The following KCNH1 variants were observed in gnomAD, a reference collection of about 807,000 sequenced individuals.
KCNH1 encodes the protein potassium voltage-gated channel subfamily H member 1, also known as voltage-gated delayed rectifier potassium channel KCNH1.
Under a neutral mutation model 69.2 loss-of-function variants are expected in KCNH1, and 27 were observed. The observed-to-expected ratio is 0.39, with a 90% CI of 0.29 to 0.54. The LOEUF is 0.54. Among genes scored for constraint, KCNH1 ranks in the 20% least tolerant of loss-of-function variants. The pLI is 0.68. For synonymous variants in KCNH1, 456 were observed against 487.7 expected, an observed-to-expected ratio of 0.93 and a Z score of 0.86; for missense variants, 798 against 1,261.6, an observed-to-expected ratio of 0.63 and a Z score of 5.57.
At chr1:210,941,887 C>T (rs1205847375) in intron 6 of KCNH1, among the ~76,000 whole-genome samples, 1 of 152,134 alleles carries the variant, frequency 6.6e-6, no homozygotes, top group Non-Finnish European at 1.5e-5. Flanking sequence ...TGACTCTGTC[C>T]TATCTTCACA....
intron 10 of KCNH1, among the ~76,000 whole-genome samples, chr1:210,744,566 C>T (rs1683105190): frequency 6.6e-6 from 1 of 152,024 alleles, no homozygotes; most frequent in Non-Finnish European, 1.5e-5. Context: ...ATCACTTGAA[C>T]CCGGGAGGCG....
intron 6 of KCNH1, among the ~76,000 whole-genome samples, chr1:210,954,072 C>G (rs1461128038): frequency 6.6e-6 from 1 of 151,606 alleles, no homozygotes; most frequent in Non-Finnish European, 1.5e-5. Context: ...CATCCCAAGA[C>G]AGGCCCCAGT....
intron 6 of KCNH1, among the ~76,000 whole-genome samples, chr1:210,989,777 T>G (rs995347414): frequency 2.6e-5 from 4 of 152,244 alleles, no homozygotes; most frequent in African/African-American, 9.6e-5. Flanking sequence ...AGTTCCATTC[T>G]TCCTGAAAAA....
intron 5 of KCNH1, among the ~76,000 whole-genome samples, chr1:211,026,473 TA>T (rs1689687214): frequency 6.6e-6 from 1 of 151,614 alleles, no homozygotes. Flanking sequence ...AGAAAGCTGT[TA>T]GATAATAACC....
At chr1:210,861,167 T>C in intron 7 of KCNH1, 1 of 934,806 alleles carries the variant, frequency 1.1e-6, no homozygotes, top group Non-Finnish European at 1.8e-6. Context: ...CTCGTAAGGG[T>C]CTTCTTCCCA....
chr1:210,905,668 G>A (rs1293031589), intron 7 of KCNH1, among the ~76,000 whole-genome samples: 8 of 151,758 alleles, frequency 5.3e-5, no homozygotes, highest in South Asian at 2.1e-4. Flanking sequence ...AAAAAAAATC[G>A]TAAAACTGGC....
chr1:210,735,816 CACACAGAG>C, intron 10 of KCNH1, among the ~76,000 whole-genome samples: 1 of 149,156 alleles, frequency 6.7e-6, no homozygotes, highest in Non-Finnish European at 1.5e-5. Context: ...CACACACACA[CACACAGAG>C]AGAGAGAGAG....
intron 6 of KCNH1, among the ~76,000 whole-genome samples, chr1:210,970,820 A>G (rs1411989502): frequency 1.3e-5 from 2 of 152,216 alleles, no homozygotes; most frequent in East Asian, 3.8e-4. Flanking sequence ...GCTCCTGCAC[A>G]GCAAAAGAAA....
rs143548371 is a variant in KCNH1, at chr1:210,957,011, G to C, written c.1033-36942C>G. On this transcript the variant is annotated intron_variant, in intron 6 of 10. Coordinates refer to ENST00000271751, the MANE Select transcript of KCNH1 (RefSeq NM_172362.3). ...GTTCTTTTAATTGTGATGTTAGGGT[G>C]TCGATTTTAGATATTTTCTGCTTGC... Among the ~76,000 whole-genome samples, 780 of 152,230 alleles carry C rather than the reference G, an allele frequency of 5.1e-3. 7 individuals carry two copies. Among genetic ancestry groups the C allele is most frequent in the African/African-American group, 0.018 (746 of 41,542 alleles).
intron 9 of KCNH1, among the ~76,000 whole-genome samples, chr1:210,781,444 T>G (rs1365750603): frequency 1.3e-5 from 2 of 152,116 alleles, no homozygotes; most frequent in Non-Finnish European, 2.9e-5. Flanking sequence ...AAGAGGGGTT[T>G]CTTCATTCAC....
intron 10 of KCNH1, among the ~76,000 whole-genome samples, chr1:210,766,185 A>G (rs1159058784): frequency 1.3e-5 from 2 of 152,138 alleles, no homozygotes; most frequent in East Asian, 1.9e-4. Flanking sequence ...GACTCATTCA[A>G]TTATTGAACA....
At chr1:210,947,271 G>A (rs1013756175) in intron 6 of KCNH1, among the ~76,000 whole-genome samples, 1 of 152,086 alleles carries the variant, frequency 6.6e-6, no homozygotes, top group East Asian at 1.9e-4. Context: ...AAAAGCAAAT[G>A]TTAAAGCTCA....
chr1:210,812,529 GAAA>G (rs1345358908), intron 7 of KCNH1, among the ~76,000 whole-genome samples: 1 of 152,028 alleles, frequency 6.6e-6, no homozygotes, highest in African/African-American at 2.4e-5. Flanking sequence ...TGCCAAAAAA[GAAA>G]AAAACTCCTG....
chr1:210,727,094 AAGAGCACAAATGTCTTTTCT>A (rs1297586058), intron 10 of KCNH1, among the ~76,000 whole-genome samples: 1 of 152,210 alleles, frequency 6.6e-6, no homozygotes, highest in East Asian at 1.9e-4. Flanking sequence ...TGGGATTAGG[AAGAGCACAAATGTCTTTTCT>A]TACTCTATCA....
At chr1:210,831,195 T>G (rs1319266137) in intron 7 of KCNH1, among the ~76,000 whole-genome samples, 1 of 152,210 alleles carries the variant, frequency 6.6e-6, no homozygotes, top group Admixed American at 6.5e-5. Flanking sequence ...GTTGCCAACT[T>G]CTAACTGATG....
chr1:210,788,681 CTTTCTTTTTTTTTTTTT>C (rs1684151459), intron 9 of KCNH1, among the ~76,000 whole-genome samples: 1 of 112,512 alleles, frequency 8.9e-6, no homozygotes, highest in Non-Finnish European at 1.7e-5. Flanking sequence ...ATTATAGCTT[CTTTCTTTTTTTTTTTTT>C]TTTTTTTTTT....
At chr1:210,740,205 T>C (rs1303407462) in intron 10 of KCNH1, among the ~76,000 whole-genome samples, 1 of 152,204 alleles carries the variant, frequency 6.6e-6, no homozygotes, top group African/African-American at 2.4e-5. Flanking sequence ...CCTACACATT[T>C]ATTTCCATCA....
chr1:210,730,940 G>T (rs186352128), intron 10 of KCNH1, among the ~76,000 whole-genome samples: 1 of 152,138 alleles, frequency 6.6e-6, no homozygotes, highest in Admixed American at 6.6e-5. Context: ...CAACCAGGCA[G>T]GTATCTGGGC....
chr1:210,825,220 A>G (rs897633960), intron 7 of KCNH1, among the ~76,000 whole-genome samples: 2 of 152,210 alleles, frequency 1.3e-5, no homozygotes, highest in Non-Finnish European at 2.9e-5. Context: ...TGAAGACAAC[A>G]GCTACGTCAG....
Sources: allele counts gnomAD v4.1 joint callset (sites outside exome capture counted in the v4.1 genomes callset), GRCh38; gene constraint gnomAD v4.1.1; transcripts MANE v1.5; gene names NCBI Gene and HGNC (gene_info 2026-07-23, HGNC 2026-07-21).